The following MCU variants were observed in gnomAD, a reference collection of about 807,000 sequenced individuals.
MCU encodes the protein mitochondrial calcium uniporter.
In MCU, 12 loss-of-function variants were observed where a neutral mutation model predicts 45.2. That is an observed-to-expected ratio of 0.27 (90% CI 0.17 to 0.43). The LOEUF is 0.43. MCU is among the 20% of genes least tolerant of loss of function. The probability of loss-of-function intolerance (pLI) is 1.00; values close to 1 mark genes in which losing one functional copy is unlikely to be tolerated. For missense variants in MCU, 324 were observed against 436.7 expected (o/e 0.74, Z 2.30); for synonymous variants, 160 against 165.1 (o/e 0.97, Z 0.24).
At chr10:72,855,486 G>A (rs551667103) in intron 2 of MCU, among the ~76,000 whole-genome samples, 3 of 152,200 alleles carry the variant, frequency 2.0e-5, no homozygotes, top group East Asian at 3.9e-4. Flanking sequence ...GGAAGCTGAG[G>A]TAGGAGGATC....
intron 1 of MCU, among the ~76,000 whole-genome samples, chr10:72,713,502 A>G (rs111529372): frequency 0.06 from 9,036 of 151,404 alleles, 911 homozygotes; most frequent in African/African-American, 0.21. Context: ...CTGGTCTTGA[A>G]CTCCTGACCT....
intron 1 of MCU, among the ~76,000 whole-genome samples, chr10:72,762,499 G>A (rs1477564765): frequency 6.6e-6 from 1 of 151,860 alleles, no homozygotes; most frequent in Non-Finnish European, 1.5e-5. Context: ...TCCTTGTCTT[G>A]TTAATAAAAA....
In MCU at chr10:72,884,303, T is replaced by TA; in HGVS notation, c.900dup (p.Leu301ThrfsTer5). The TA allele has an allele frequency of 6.2e-7, 1 of 1,611,770 alleles. No individual in the cohort carries two copies. The highest frequency in any genetic ancestry group is 8.5e-7 in the Non-Finnish European group (1 of 1,177,996). ...CCAGAAGCCAGAGACAGACAATACT[T>TA]ACTATTTTTCCATAAAGGAGCCAAA... is the stretch of plus-strand genomic sequence containing the variant. On this transcript the variant is annotated frameshift_variant, in exon 7 of 8. Coordinates refer to ENST00000373053, the MANE Select transcript of MCU (RefSeq NM_138357.3).
intron 1 of MCU, among the ~76,000 whole-genome samples, chr10:72,815,032 T>A (rs1343083261): frequency 1.3e-5 from 2 of 152,238 alleles, no homozygotes; most frequent in Non-Finnish European, 2.9e-5. Context: ...GAGGAAATTA[T>A]ATCAATTTAA....
chr10:72,785,327 G>A (rs1159255291), intron 1 of MCU, among the ~76,000 whole-genome samples: 1 of 152,106 alleles, frequency 6.6e-6, no homozygotes, highest in African/African-American at 2.4e-5. Context: ...CTCCCCTCCT[G>A]CTGCCCCCTA....
At chr10:72,769,752 C>A (rs1006997457) in intron 1 of MCU, among the ~76,000 whole-genome samples, 7 of 152,120 alleles carry the variant, frequency 4.6e-5, no homozygotes, top group Non-Finnish European at 7.4e-5. Context: ...AACCCCATAC[C>A]CATTAGCAGT....
At chr10:72,782,026 C>T (rs1274241278) in intron 1 of MCU, among the ~76,000 whole-genome samples, 3 of 152,266 alleles carry the variant, frequency 2.0e-5, no homozygotes, top group Non-Finnish European at 4.4e-5. Context: ...GCAGACTCCT[C>T]CCCACAGTCC....
chr10:72,881,940 A>C (rs1845709142), intron 6 of MCU, among the ~76,000 whole-genome samples: 1 of 152,240 alleles, frequency 6.6e-6, no homozygotes, highest in African/African-American at 2.4e-5. Flanking sequence ...AAAATGTGGC[A>C]TAATTATTGT....
At chr10:72,871,110 G>GA (rs1845536117) in intron 5 of MCU, among the ~76,000 whole-genome samples, 1 of 152,000 alleles carries the variant, frequency 6.6e-6, no homozygotes, top group Non-Finnish European at 1.5e-5. Context: ...ATGTCGCCCA[G>GA]GCTGGTCTTG....
At chr10:72,870,574 G>T (rs935363425) in intron 5 of MCU, among the ~76,000 whole-genome samples, 1 of 152,066 alleles carries the variant, frequency 6.6e-6, no homozygotes. Flanking sequence ...GAGCCACCGC[G>T]CCCAGCTTTA....
chr10:72,723,784 A>G (rs113948708), intron 1 of MCU, among the ~76,000 whole-genome samples: 2,872 of 152,306 alleles, frequency 0.019, 83 homozygotes, highest in African/African-American at 0.065. Context: ...TTTTAAAGGT[A>G]AACATTCTTT....
chr10:72,787,606 G>A (rs146525667), intron 1 of MCU, among the ~76,000 whole-genome samples: 67 of 152,184 alleles, frequency 4.4e-4, no homozygotes, highest in African/African-American at 1.5e-3. Flanking sequence ...GCATTTAAGC[G>A]TTGTTATAAA....
intron 1 of MCU, among the ~76,000 whole-genome samples, chr10:72,789,076 C>T (rs909821622): frequency 6.6e-6 from 1 of 152,092 alleles, no homozygotes; most frequent in Non-Finnish European, 1.5e-5. Context: ...ATTGTGTCTA[C>T]TCCTTGAGCC....
chr10:72,871,379 A>G lies in MCU; in HGVS notation c.660A>G (p.Val220=), dbSNP rs148989204. The G allele has an allele frequency of 4.6e-5, 74 of 1,613,882 alleles. No individual in the cohort carries two copies. In the African/African-American group the frequency reaches 8.0e-4, roughly 17 times the overall value. ...TTATGATTATGTGTGCCCAATAGGT[A>G]CGAATTGAGATTAGCAGAAAAGCTG... ...LKEQLAPLEK[V]RIEISRKAEK... is the part of the protein sequence containing the mutation. The change falls in exon 6 of 8, where the codon GTA becomes GTG. Residue 220 remains valine, a splice_region_variant and synonymous_variant. Coordinates refer to ENST00000373053, the MANE Select transcript of MCU (RefSeq NM_138357.3).
intron 1 of MCU, among the ~76,000 whole-genome samples, chr10:72,730,307 C>CTT (rs1221272053): frequency 6.0e-4 from 74 of 124,196 alleles, no homozygotes; most frequent in East Asian, 1.4e-3. Context: ...CTTTCTTTTT[C>CTT]TTTTTTTTTT....
At chr10:72,775,435 A>C (rs1209566985) in intron 1 of MCU, among the ~76,000 whole-genome samples, 1 of 152,178 alleles carries the variant, frequency 6.6e-6, no homozygotes, top group African/African-American at 2.4e-5. Flanking sequence ...CTTCTATCAA[A>C]AAAGAAAATT....
At chr10:72,712,323 G>T (rs540854999) in intron 1 of MCU, 1 of 152,154 alleles carries the variant, frequency 6.6e-6, no homozygotes, top group African/African-American at 2.4e-5. Flanking sequence ...CCTGAGAGAA[G>T]GCAGAGAAGA....
intron 1 of MCU, among the ~76,000 whole-genome samples, chr10:72,763,001 A>G (rs1374038849): frequency 6.6e-6 from 1 of 152,140 alleles, no homozygotes; most frequent in African/African-American, 2.4e-5. Context: ...GAGACTACCC[A>G]CATTTCCTTG....
chr10:72,786,212 T>C (rs1844069260), intron 1 of MCU, among the ~76,000 whole-genome samples: 1 of 152,222 alleles, frequency 6.6e-6, no homozygotes, highest in Non-Finnish European at 1.5e-5. Context: ...GTTTTTTTAA[T>C]GTCCTTATCC....
Sources: gnomAD v4.1 joint callset for allele counts (sites outside exome capture counted in the v4.1 genomes callset) on GRCh38, gnomAD v4.1.1 for gene constraint, MANE v1.5 for transcripts, NCBI Gene and HGNC (gene_info 2026-07-23, HGNC 2026-07-21) for gene names.